The following ACACB variants were observed in gnomAD, a reference collection of about 807,000 sequenced individuals.
The protein encoded by ACACB is acetyl-CoA carboxylase 2.
In ACACB, 209 loss-of-function variants were observed where a neutral mutation model predicts 278.8. The ratio of observed to expected loss-of-function variants is 0.75; its 90% CI spans 0.67 to 0.84. The LOEUF (loss-of-function observed/expected upper bound fraction) is 0.84. Among genes scored for constraint, ACACB ranks in the 40% least tolerant of loss-of-function variants. The pLI is 0.00. For synonymous variants in ACACB, 1,174 were observed against 1,285.6 expected, an observed-to-expected ratio of 0.91 and a Z score of 1.86; for missense variants, 2,850 against 3,269.0, an observed-to-expected ratio of 0.87 and a Z score of 3.13.
intron 13 of ACACB, among the ~76,000 whole-genome samples, chr12:109,190,120 A>AAAAAAAAG (rs1295046838): frequency 2.0e-5 from 3 of 151,882 alleles, no homozygotes; most frequent in Non-Finnish European, 4.4e-5. Flanking sequence ...TCAAAAAAAC[A>AAAAAAAAG]AAAAAAAGAA....
rs139024189 is a variant in ACACB at position 109,179,125 on chromosome 12, T to C, written c.1475T>C (p.Met492Thr). The change falls in exon 10 of 53, where the codon ATG (methionine) becomes ACG (threonine). Residue 492 changes from methionine to threonine, a missense_variant. This residue lies in a region of ACACB where 2,265 missense variants were observed against 2,561.3 expected (regional missense o/e 0.88). Transcript: ENST00000338432. ...SEIPGSPIFL[M>T]KLAQHARHLE... Reference sequence around the variant, plus strand: ...ATCCCAGGCTCGCCCATCTTTCTCATGAAGCTGGCCCAGCACGCCCGTCAC... The same window carrying C: ...ATCCCAGGCTCGCCCATCTTTCTCACGAAGCTGGCCCAGCACGCCCGTCAC... 1.2e-6 allele frequency: 2 copies of C among 1,613,732 alleles called. No homozygotes were observed. Among genetic ancestry groups the C allele is most frequent in the African/African-American group, 2.7e-5 (2 of 74,914 alleles).
chr12:109,243,906 T>C (rs1224208180), intron 37 of ACACB, among the ~76,000 whole-genome samples: 5 of 149,904 alleles, frequency 3.3e-5, no homozygotes, highest in African/African-American at 1.2e-4. Context: ...TTTATTTATT[T>C]ATTTATTATA....
rs1321419779 is a variant in ACACB, at chr12:109,260,561, T to C, written c.6578T>C (p.Ile2193Thr). Residue 2193 changes from isoleucine to threonine, a missense_variant, in exon 48 of 53, where the codon ATC becomes ACC. Ile to Thr is a moderately conservative substitution (Grantham distance 89). Transcript: ENST00000338432. ...TACAAACAGCCCATCCTGATCTATA[T>C]CCCGCCCTATGCGGAGCTCCGGGGA... ...RQYKQPILIY[I>T]PPYAELRGGS... 1 of 1,614,204 alleles carries C rather than the reference T, an allele frequency of 6.2e-7. No homozygotes were observed. The highest frequency in any genetic ancestry group is 1.1e-5 in the South Asian group (1 of 91,072).
chr12:109,232,710 G>A lies in ACACB; in HGVS notation c.4043G>A (p.Arg1348Lys), dbSNP rs2046508745. ...AGCATCACCAACCCTGACCTGCTGAGGCACAGCACAGAGCTCTTCATGGAC... is the reference window on the plus strand; with the variant it reads ...AGCATCACCAACCCTGACCTGCTGAAGCACAGCACAGAGCTCTTCATGGAC... ...PISITNPDLL[R>K]HSTELFMDSG... Residue 1348 changes from arginine (R) to lysine (K), a missense_variant, in exon 29 of 53, where the codon AGG (arginine) becomes AAG (lysine). Arg to Lys is a conservative substitution (Grantham distance 26). Transcript: ENST00000338432. 6.2e-7 allele frequency: 1 copy of A among 1,614,052 alleles called. No individual in the cohort carries two copies. The highest frequency in any genetic ancestry group is 1.3e-5 in the African/African-American group (1 of 74,904).
intron 51 of ACACB, 47 bp from the exon 52 acceptor site, chr12:109,265,342 G>A (rs372630103): frequency 1.2e-6 from 2 of 1,610,716 alleles, no homozygotes; most frequent in Non-Finnish European, 1.7e-6. Flanking sequence ...GAGACAGCTG[G>A]CCCACAGCTG....
At chr12:109,242,117 T>A (rs1298847978) in intron 36 of ACACB, 1 of 212,956 alleles carries the variant, frequency 4.7e-6, no homozygotes, top group Non-Finnish European at 9.3e-6. Flanking sequence ...AAATTGACAT[T>A]GGCACAGGAC....
rs2047453443 is a variant in ACACB at position 109,264,238 on chromosome 12, C to CTGAT, written c.6795_6798dup (p.Leu2267Ter). ...CCTTTCTGCTCACCTGCAGGGGAAC[C>CTGAT]TGATCTCTCCGACAAGGACCGAAAG... is the stretch of plus-strand genomic sequence containing the variant. On this transcript the variant is annotated frameshift_variant, in exon 50 of 53. Coordinates refer to ENST00000338432, the MANE Select transcript of ACACB (RefSeq NM_001093.4). LOFTEE classifies it high-confidence loss of function. 1 of 1,614,050 alleles carries CTGAT rather than the reference C, an allele frequency of 6.2e-7. No homozygotes were observed. Among genetic ancestry groups the CTGAT allele is most frequent in the Admixed American group, 1.7e-5 (1 of 59,996 alleles).
chr12:109,243,855 C>A lies in ACACB; in HGVS notation c.5178+1263C>A, dbSNP rs141080376. Among the ~76,000 whole-genome samples, 622 of 150,242 alleles carry A rather than the reference C, an allele frequency of 4.1e-3. 7 individuals carry two copies. The highest frequency in any genetic ancestry group is 0.015 in the African/African-American group (604 of 41,048). ...GGTGATGTGAATGTCTCTTCATTTT[C>A]CAGGATTGCTTTGGAATGACATTAT... On this transcript the variant is annotated intron_variant, in intron 37 of 52. Transcript: ENST00000338432.
At chr12:109,266,104 C>T (rs1157531042) in intron 52 of ACACB, 132 bp from the exon 53 acceptor site, 1 of 1,162,732 alleles carries the variant, frequency 8.6e-7, no homozygotes, top group African/African-American at 1.6e-5. Context: ...ACCATCACCC[C>T]CATGGGGACC....
chr12:109,182,670 T>C (rs1339551829), intron 11 of ACACB, among the ~76,000 whole-genome samples: 1 of 152,206 alleles, frequency 6.6e-6, no homozygotes, highest in Non-Finnish European at 1.5e-5. Context: ...ATGCTCATCC[T>C]TGAGCTTCTT....
chr12:109,139,294 G>T, intron 1 of ACACB, 103 bp from the exon 2 acceptor site: 1 of 1,092,716 alleles, frequency 9.2e-7, no homozygotes, highest in Non-Finnish European at 1.3e-6. Flanking sequence ...CAGTATTTCA[G>T]GAATACACAG....
chr12:109,246,176 C>A lies in ACACB; in HGVS notation c.5302-3C>A. On this transcript the variant is annotated splice_region_variant and splice_polypyrimidine_tract_variant and intron_variant, in intron 38 of 52. Coordinates refer to ENST00000338432, the MANE Select transcript of ACACB (RefSeq NM_001093.4). The stretch of plus-strand genomic sequence containing the variant: ...TTTCCTTGTGCATTCATCCCCTTGC[C>A]AGGTGGGCATGGTGGCCTTCAAAAT... The A allele has an allele frequency of 6.2e-7, 1 of 1,606,780 alleles. No homozygotes were observed. The highest frequency in any genetic ancestry group is 8.5e-7 in the Non-Finnish European group (1 of 1,174,114).
At chr12:109,134,865 T>G (rs941861986) in intron 1 of ACACB, among the ~76,000 whole-genome samples, 1 of 152,188 alleles carries the variant, frequency 6.6e-6, no homozygotes, top group East Asian at 1.9e-4. Context: ...CATACTATAA[T>G]GCACAGGACA....
Position 109,212,953 on chromosome 12 carries a change from C to T in ACACB, c.3350+17C>T. ...GGTCCAGAGGTGAATCCTGGGTCTCCCCGTAGGATGTGGTTGTCACCTGAA... is the reference window on the plus strand; with the variant it reads ...GGTCCAGAGGTGAATCCTGGGTCTCTCCGTAGGATGTGGTTGTCACCTGAA... On this transcript the variant is annotated intron_variant, in intron 22 of 52. Coordinates refer to ENST00000338432, the MANE Select transcript of ACACB (RefSeq NM_001093.4). The T allele has an allele frequency of 6.2e-7, 1 of 1,607,418 alleles. No homozygotes were observed. The highest frequency in any genetic ancestry group is 8.5e-7 in the Non-Finnish European group (1 of 1,174,016).
intron 10 of ACACB, among the ~76,000 whole-genome samples, chr12:109,179,667 T>A (rs866125358): frequency 8.9e-4 from 136 of 152,032 alleles, no homozygotes; most frequent in African/African-American, 2.0e-3. Context: ...TAAAAAAAAA[T>A]TTTTGTAGAG....
chr12:109,186,561 A>G (rs566437914), intron 12 of ACACB, among the ~76,000 whole-genome samples: 56 of 152,266 alleles, frequency 3.7e-4, no homozygotes, highest in Non-Finnish European at 6.6e-4. Context: ...TTAAAAAACA[A>G]ACCAACTGGC....
intron 37 of ACACB, among the ~76,000 whole-genome samples, chr12:109,242,890 T>C (rs1193751471): frequency 6.6e-6 from 1 of 151,882 alleles, no homozygotes; most frequent in Non-Finnish European, 1.5e-5. Flanking sequence ...CACCTGAGCC[T>C]GGGAGGTCGA....
Position 109,246,215 on chromosome 12 carries a change from C to G in ACACB, c.5338C>G (p.Gln1780Glu), listed in dbSNP as rs138629237. The G allele has an allele frequency of 6.2e-7, 1 of 1,613,798 alleles. No individual in the cohort carries two copies. ...GGCCTTCAAAATGAGGTTTAAGACC[C>G]AGGAGTACCCGGAAGGACGGGATGT... ...MVAFKMRFKT[Q>E]EYPEGRDVIV... Residue 1780 changes from glutamine (Q) to glutamate (E), a missense_variant, in exon 39 of 53, where the codon CAG (glutamine) becomes GAG (glutamate). Gln to Glu is a conservative substitution (Grantham distance 29). Transcript: ENST00000338432.
intron 1 of ACACB, among the ~76,000 whole-genome samples, chr12:109,120,641 T>A (rs2042523804): frequency 1.3e-5 from 2 of 152,144 alleles, no homozygotes; most frequent in Admixed American, 6.5e-5. Context: ...GAAAGTAGAA[T>A]TGATTCAGTG....
Sources: allele counts gnomAD v4.1 joint callset (sites outside exome capture counted in the v4.1 genomes callset), GRCh38; gene constraint gnomAD v4.1.1; regional missense constraint gnomAD v4.1.1; transcripts MANE v1.5; gene names NCBI Gene and HGNC (gene_info 2026-07-23, HGNC 2026-07-21).